RNF220: variants seen among roughly 807,000 people sequenced by gnomAD.
The protein encoded by RNF220 is E3 ubiquitin-protein ligase RNF220.
A neutral mutation model predicts 67.1 loss-of-function variants in RNF220; 7 were observed. That is an observed-to-expected ratio of 0.10 (90% CI 0.06 to 0.20). The LOEUF (loss-of-function observed/expected upper bound fraction) is 0.20, where lower values mean the gene tolerates loss of function less well. Ranked by LOEUF, RNF220 falls within the 10% of genes least tolerant of loss-of-function variation. The probability of loss-of-function intolerance (pLI) is 1.00; values close to 1 mark genes in which losing one functional copy is unlikely to be tolerated. For missense variants in RNF220, 565 were observed against 740.3 expected, an observed-to-expected ratio of 0.76 and a Z score of 2.75; for synonymous variants, 270 against 283.2, an observed-to-expected ratio of 0.95 and a Z score of 0.47.
intron 2 of RNF220, among the ~76,000 whole-genome samples, chr1:44,451,074 T>C (rs1170401854): frequency 6.6e-6 from 1 of 151,766 alleles, no homozygotes; most frequent in African/African-American, 2.4e-5. Context: ...TCCCAGCTAC[T>C]CAGGAGGCTG....
intron 2 of RNF220, chr1:44,424,050 G>T: frequency 1.0e-6 from 1 of 983,112 alleles, no homozygotes; most frequent in Non-Finnish European, 1.2e-6. Flanking sequence ...CTGAGCTCCT[G>T]TGTGTAGAGC....
chr1:44,508,906 T>C (rs1297448773), intron 2 of RNF220, among the ~76,000 whole-genome samples: 1 of 152,146 alleles, frequency 6.6e-6, no homozygotes, highest in Non-Finnish European at 1.5e-5. Context: ...AGCCCTTTTT[T>C]ATGATGAAGA....
intron 2 of RNF220, among the ~76,000 whole-genome samples, chr1:44,597,933 C>T (rs894129871): frequency 9.4e-5 from 14 of 149,404 alleles, no homozygotes; most frequent in African/African-American, 1.3e-4. Flanking sequence ...ACATACAACC[C>T]CCCACTGTCT....
intron 2 of RNF220, among the ~76,000 whole-genome samples, chr1:44,592,422 C>T (rs1279535114): frequency 1.3e-5 from 2 of 152,226 alleles, no homozygotes; most frequent in Non-Finnish European, 2.9e-5. Flanking sequence ...CAGCCCCCTA[C>T]GCAGCTGCCT....
chr1:44,631,841 G>T (rs115545367), intron 5 of RNF220: 57,114 of 936,242 alleles, frequency 0.061, 1,858 homozygotes, highest in Non-Finnish European at 0.065. Flanking sequence ...CGGTGGGAGG[G>T]ACCCCGGGGA....
intron 2 of RNF220, among the ~76,000 whole-genome samples, chr1:44,488,252 C>T (rs538296666): frequency 1.3e-5 from 2 of 151,962 alleles, no homozygotes; most frequent in African/African-American, 4.8e-5. Context: ...TCACCTGCCT[C>T]AGCCTCCCGA....
chr1:44,407,358 G>T (rs1429661526), intron 1 of RNF220, among the ~76,000 whole-genome samples: 1 of 152,230 alleles, frequency 6.6e-6, no homozygotes, highest in Non-Finnish European at 1.5e-5. Flanking sequence ...GGGCAGGGGG[G>T]CTTTGCCTTG....
chr1:44,438,451 A>G (rs1651205272), intron 2 of RNF220, among the ~76,000 whole-genome samples: 1 of 152,196 alleles, frequency 6.6e-6, no homozygotes, highest in Non-Finnish European at 1.5e-5. Context: ...TGTCAAAATA[A>G]TGTTTTAATA....
At chr1:44,561,239 C>T (rs952503359) in intron 2 of RNF220, among the ~76,000 whole-genome samples, 3 of 152,078 alleles carry the variant, frequency 2.0e-5, no homozygotes, top group Non-Finnish European at 4.4e-5. Context: ...TGGCTGGGCG[C>T]GGTGGCTCAC....
intron 2 of RNF220, among the ~76,000 whole-genome samples, chr1:44,518,840 C>T (rs1659670865): frequency 6.6e-6 from 1 of 151,674 alleles, no homozygotes; most frequent in African/African-American, 2.4e-5. Context: ...GTGCCACTTT[C>T]CTCTAGCCTG....
chr1:44,560,956 G>C (rs1179874824), intron 2 of RNF220, among the ~76,000 whole-genome samples: 1 of 152,172 alleles, frequency 6.6e-6, no homozygotes, highest in African/African-American at 2.4e-5. Flanking sequence ...CCCTTGTGTA[G>C]CGAATCGCCT....
chr1:44,463,880 G>A (rs1393728717), intron 2 of RNF220, among the ~76,000 whole-genome samples: 1 of 152,208 alleles, frequency 6.6e-6, no homozygotes, highest in Non-Finnish European at 1.5e-5. Flanking sequence ...TCCAGGGACA[G>A]AGTCTTTCCT....
intron 2 of RNF220, among the ~76,000 whole-genome samples, chr1:44,570,233 G>A (rs766187983): frequency 5.3e-5 from 8 of 152,200 alleles, no homozygotes; most frequent in Non-Finnish European, 8.8e-5. Context: ...GATCTAGTGA[G>A]GGTGGAGGTC....
intron 5 of RNF220, chr1:44,626,694 T>C (rs750222311): frequency 1.1e-5 from 4 of 353,194 alleles, no homozygotes; most frequent in Admixed American, 4.3e-5. Context: ...TTTGGTTTCA[T>C]AAGAGACCCA....
At chr1:44,487,672 A>AAATAATAAT (rs537638294) in intron 2 of RNF220, among the ~76,000 whole-genome samples, 81 of 142,580 alleles carry the variant, frequency 5.7e-4, no homozygotes, top group African/African-American at 2.0e-3. Context: ...ATCTCTACTA[A>AAATAATAAT]AATAATAATA....
chr1:44,603,540 G>A (rs1010774133), intron 2 of RNF220, among the ~76,000 whole-genome samples: 1 of 152,258 alleles, frequency 6.6e-6, no homozygotes, highest in Non-Finnish European at 1.5e-5. Context: ...GCTGCTGCCA[G>A]GGAGAGGTGA....
At chr1:44,490,952 G>A (rs138440108) in intron 2 of RNF220, among the ~76,000 whole-genome samples, 25 of 152,220 alleles carry the variant, frequency 1.6e-4, no homozygotes, top group Non-Finnish European at 2.9e-4. Context: ...AGAATATTAT[G>A]TACAAATATA....
intron 2 of RNF220, among the ~76,000 whole-genome samples, chr1:44,586,411 G>C (rs550377502): frequency 6.6e-6 from 1 of 152,260 alleles, no homozygotes; most frequent in East Asian, 1.9e-4. Context: ...AGAGGCATGA[G>C]GGACAAGGTA....
intron 2 of RNF220, among the ~76,000 whole-genome samples, chr1:44,609,084 C>T (rs1667479097): frequency 6.6e-6 from 1 of 152,152 alleles, no homozygotes; most frequent in African/African-American, 2.4e-5. Context: ...CAAGAGGCAG[C>T]TCTGTTGAAT....
Sources: gnomAD v4.1 joint callset for allele counts (sites outside exome capture counted in the v4.1 genomes callset) on GRCh38, gnomAD v4.1.1 for gene constraint, MANE v1.5 for transcripts, NCBI Gene and HGNC (gene_info 2026-07-23, HGNC 2026-07-21) for gene names.